Variants in ZNF69 observed in about 807,000 individuals in gnomAD.
ZNF69 encodes zinc finger protein 69.
ZNF69 carries 47 observed loss-of-function variants against 50.9 expected under a neutral mutation model. The observed-to-expected ratio is 0.92, with a 90% CI of 0.73 to 1.18. The LOEUF (loss-of-function observed/expected upper bound fraction) is 1.18, where lower values mean the gene tolerates loss of function less well. ZNF69 is among the 50% of genes most tolerant of loss of function. ZNF69 has a pLI of 0.00. For synonymous variants in ZNF69, 216 were observed against 223.1 expected, an observed-to-expected ratio of 0.97 and a Z score of 0.29; for missense variants, 717 against 675.1, an observed-to-expected ratio of 1.06 and a Z score of -0.69.
the ZNF69 span, among the ~76,000 whole-genome samples, chr19:11,932,670 C>T: frequency 1.5e-5 from 2 of 134,516 alleles, no homozygotes; most frequent in Non-Finnish European, 3.0e-5. Flanking sequence ...CAGAGTCTTG[C>T]CCTGTCGCCC....
At chr19:11,935,899 G>A in the ZNF69 span, among the ~76,000 whole-genome samples, 1 of 152,126 alleles carries the variant, frequency 6.6e-6, no homozygotes, top group Admixed American at 6.5e-5. Flanking sequence ...GATGTTCCCT[G>A]CCCTGTGTCC....
chr19:11,957,434 C>T, the ZNF69 span, among the ~76,000 whole-genome samples: 1 of 151,896 alleles, frequency 6.6e-6, no homozygotes, highest in Non-Finnish European at 1.5e-5. Flanking sequence ...CTGAAATCAG[C>T]TTGTCATTAG....
chr19:11,923,746 T>C, the ZNF69 span, among the ~76,000 whole-genome samples: 31 of 152,358 alleles, frequency 2.0e-4, no homozygotes, highest in African/African-American at 6.5e-4. Context: ...GTGTCTTATT[T>C]ACACAATGGG....
At chr19:11,965,244 G>A in the ZNF69 span, 1 of 1,613,754 alleles carries the variant, frequency 6.2e-7, no homozygotes, top group Non-Finnish European at 8.5e-7. Flanking sequence ...CCCGAGACGG[G>A]GTAGAGGCTG....
the ZNF69 span, chr19:11,979,805 G>A: frequency 6.4e-7 from 1 of 1,557,310 alleles, no homozygotes; most frequent in Non-Finnish European, 8.8e-7. Context: ...TGAGTGTAAG[G>A]AATGTGGGAA....
At chr19:11,904,589 T>A in intron 3 of ZNF69, 60 bp from the exon 4 acceptor site, 1 of 1,571,810 alleles carries the variant, frequency 6.4e-7, no homozygotes, top group South Asian at 1.2e-5. Flanking sequence ...CAGTACTTGT[T>A]GATTAATATA....
intron 1 of ZNF69, among the ~76,000 whole-genome samples, chr19:11,893,592 C>T (rs1023625777): frequency 1.3e-4 from 20 of 152,178 alleles, no homozygotes; most frequent in African/African-American, 4.8e-4. Flanking sequence ...TTTCTGGAAA[C>T]ATTACAGGGT....
the ZNF69 span, among the ~76,000 whole-genome samples, chr19:11,969,998 C>T: frequency 2.6e-5 from 4 of 152,182 alleles, no homozygotes; most frequent in African/African-American, 9.7e-5. Flanking sequence ...TGGAGGGTCT[C>T]ATGGGTATTA....
chr19:11,934,375 G>A, the ZNF69 span, among the ~76,000 whole-genome samples: 5 of 148,102 alleles, frequency 3.4e-5, no homozygotes, highest in African/African-American at 5.3e-5. Context: ...ACTGTCTTCC[G>A]AATTGGCTGT....
intron 1 of ZNF69, among the ~76,000 whole-genome samples, chr19:11,892,475 G>A (rs999383956): frequency 6.6e-6 from 1 of 151,978 alleles, no homozygotes; most frequent in African/African-American, 2.4e-5. Context: ...TAGTGAAGAG[G>A]GGCCCAGTGG....
chr19:11,889,361 C>A (rs1977026030), intron 1 of ZNF69, among the ~76,000 whole-genome samples: 1 of 152,166 alleles, frequency 6.6e-6, no homozygotes, highest in Non-Finnish European at 1.5e-5. Context: ...TATAAGGAGG[C>A]CTGTCTCACC....
At chr19:11,937,489 C>T in the ZNF69 span, among the ~76,000 whole-genome samples, 120,521 of 141,474 alleles carry the variant, frequency 0.85, 50,817 homozygotes, top group Middle Eastern at 0.88. Context: ...TTTTTTCTTT[C>T]CTTTTTTTTT....
chr19:11,965,360 C>G, the ZNF69 span: 1 of 1,115,816 alleles, frequency 9.0e-7, no homozygotes, highest in South Asian at 1.4e-5. Flanking sequence ...TCGGTCCCCT[C>G]GGCCGCTGGA....
the ZNF69 span, among the ~76,000 whole-genome samples, chr19:11,944,136 C>T: frequency 4.6e-5 from 7 of 152,082 alleles, no homozygotes; most frequent in African/African-American, 1.4e-4. Flanking sequence ...GCTAATGGGG[C>T]GTTTCTCGTT....
At chr19:11,950,335 T>A in the ZNF69 span, 1 of 1,424,102 alleles carries the variant, frequency 7.0e-7, no homozygotes, top group East Asian at 2.3e-5. Context: ...AACTTTCACA[T>A]TTTCCAGTTC....
the ZNF69 span, chr19:11,925,143 C>G: frequency 2.5e-5 from 39 of 1,581,510 alleles, no homozygotes; most frequent in African/African-American, 3.8e-4. Context: ...CGGTTGGTAA[C>G]CGGTCAGACC....
the ZNF69 span, among the ~76,000 whole-genome samples, chr19:11,951,524 C>T: frequency 7.9e-5 from 12 of 152,086 alleles, 1 homozygote; most frequent in South Asian, 2.1e-3. Context: ...CCACTGGGCC[C>T]GGCCTCAACC....
At chr19:11,955,400 T>C in the ZNF69 span, among the ~76,000 whole-genome samples, 67 of 150,646 alleles carry the variant, frequency 4.4e-4, no homozygotes, top group African/African-American at 1.6e-3. Context: ...TTCTTTCTTT[T>C]TTTTTTTTTT....
chr19:11,933,744 A>G, the ZNF69 span, among the ~76,000 whole-genome samples: 1,014 of 147,126 alleles, frequency 6.9e-3, 157 homozygotes, highest in African/African-American at 0.027. Flanking sequence ...TCTAAAAAAA[A>G]TTTTGTTTTT....
Sources: gnomAD v4.1 joint callset for allele counts (sites outside exome capture counted in the v4.1 genomes callset) on GRCh38, gnomAD v4.1.1 for gene constraint, MANE v1.5 for transcripts, NCBI Gene and HGNC (gene_info 2026-07-23, HGNC 2026-07-21) for gene names.